Variants in PRKG1 observed in about 807,000 individuals in gnomAD.
PRKG1 encodes the protein cGMP-dependent protein kinase 1.
A neutral mutation model predicts 88.1 loss-of-function variants in PRKG1; 35 were observed. The ratio of observed to expected loss-of-function variants is 0.40; its 90% CI spans 0.30 to 0.53. The LOEUF (loss-of-function observed/expected upper bound fraction) is 0.53. Ranked by LOEUF, PRKG1 falls within the 20% of genes least tolerant of loss-of-function variation. The pLI is 0.59. For synonymous variants in PRKG1, 303 were observed against 292.5 expected, an observed-to-expected ratio of 1.04 and a Z score of -0.37; for missense variants, 540 against 839.8, an observed-to-expected ratio of 0.64 and a Z score of 4.41.
At chr10:51,007,921 CA>C (rs1564568932) in intron 1 of PRKG1, among the ~76,000 whole-genome samples, 1 of 152,166 alleles carries the variant, frequency 6.6e-6, no homozygotes, top group Admixed American at 6.5e-5. Context: ...ATGGTGGTTT[CA>C]TGGTGCCTCC....
chr10:51,607,397 C>T (rs760026666), intron 3 of PRKG1, among the ~76,000 whole-genome samples: 23 of 152,126 alleles, frequency 1.5e-4, no homozygotes, highest in African/African-American at 4.3e-4. Context: ...ACATATAAAA[C>T]GAGGGAAAAC....
At chr10:51,049,103 G>A (rs143262264) in intron 1 of PRKG1, among the ~76,000 whole-genome samples, 253 of 152,228 alleles carry the variant, frequency 1.7e-3, no homozygotes, top group Non-Finnish European at 3.0e-3. Flanking sequence ...GAGCTCCCGC[G>A]TCCCACACCG....
chr10:51,874,412 T>TAAC (rs1010455130), intron 4 of PRKG1, among the ~76,000 whole-genome samples: 1 of 152,256 alleles, frequency 6.6e-6, no homozygotes, highest in Non-Finnish European at 1.5e-5. Flanking sequence ...GTAGTACAGA[T>TAAC]AACATCAAAA....
chr10:51,860,024 C>T (rs190986184), intron 4 of PRKG1, among the ~76,000 whole-genome samples: 5 of 152,152 alleles, frequency 3.3e-5, no homozygotes, highest in Admixed American at 2.0e-4. Flanking sequence ...ATTAGGTACT[C>T]GTGTCATCCC....
intron 8 of PRKG1, among the ~76,000 whole-genome samples, chr10:52,147,673 A>G (rs1837770308): frequency 6.6e-6 from 1 of 152,242 alleles, no homozygotes; most frequent in African/African-American, 2.4e-5. Context: ...TTCTGAAGTA[A>G]GAATGTCAAT....
intron 3 of PRKG1, among the ~76,000 whole-genome samples, chr10:51,749,357 G>A (rs543248103): frequency 9.9e-5 from 15 of 152,242 alleles, no homozygotes; most frequent in Admixed American, 6.5e-5. Context: ...AGGCTGCCAC[G>A]AGCATGGCCA....
At chr10:51,215,555 AGG>A (rs1471982308) in intron 2 of PRKG1, among the ~76,000 whole-genome samples, 1 of 152,140 alleles carries the variant, frequency 6.6e-6, no homozygotes, top group African/African-American at 2.4e-5. Context: ...GGATTTTTGC[AGG>A]GGGCATGGAG....
intron 14 of PRKG1, among the ~76,000 whole-genome samples, chr10:52,285,091 C>G (rs577755378): frequency 6.6e-6 from 1 of 151,976 alleles, no homozygotes; most frequent in Admixed American, 6.6e-5. Context: ...CAGAAAGGGT[C>G]CCAGGGAAGC....
intron 3 of PRKG1, among the ~76,000 whole-genome samples, chr10:51,488,574 T>C (rs1220598020): frequency 6.6e-6 from 1 of 152,166 alleles, no homozygotes; most frequent in South Asian, 2.1e-4. Flanking sequence ...ATGATGTTTG[T>C]GCAGACCTTT....
chr10:52,286,002 G>C (rs1842109085), intron 14 of PRKG1, among the ~76,000 whole-genome samples: 6 of 151,886 alleles, frequency 4.0e-5, no homozygotes, highest in Admixed American at 3.9e-4. Flanking sequence ...TTACAAACAG[G>C]AGAAAAAACA....
At chr10:51,067,031 C>T (rs1843759089) in intron 1 of PRKG1, among the ~76,000 whole-genome samples, 1 of 151,854 alleles carries the variant, frequency 6.6e-6, no homozygotes, top group African/African-American at 2.4e-5. Context: ...AAATATGTGT[C>T]TTTATACAAC....
chr10:51,821,683 A>ATGTATATTGACC (rs57184821), intron 4 of PRKG1, among the ~76,000 whole-genome samples: 7,430 of 151,810 alleles, frequency 0.049, 385 homozygotes, highest in African/African-American at 0.12. Context: ...GTATTGACCT[A>ATGTATATTGACC]TATATATTGA....
At chr10:52,116,996 C>A (rs1847701755) in intron 7 of PRKG1, among the ~76,000 whole-genome samples, 1 of 151,932 alleles carries the variant, frequency 6.6e-6, no homozygotes, top group South Asian at 2.1e-4. Context: ...GTAAAGATAT[C>A]CTGTGAGTTA....
At chr10:51,966,309 G>A (rs914592305) in intron 5 of PRKG1, among the ~76,000 whole-genome samples, 1 of 151,922 alleles carries the variant, frequency 6.6e-6, no homozygotes, top group Non-Finnish European at 1.5e-5. Flanking sequence ...GCTTAGTGAG[G>A]AACCTTCTGA....
intron 2 of PRKG1, among the ~76,000 whole-genome samples, chr10:51,190,806 C>T (rs1046524596): frequency 1.3e-5 from 2 of 151,822 alleles, no homozygotes; most frequent in Non-Finnish European, 2.9e-5. Flanking sequence ...TTTTGAACCT[C>T]CACTTTTTCT....
chr10:52,110,243 G>A (rs1014105599), intron 7 of PRKG1, among the ~76,000 whole-genome samples: 4 of 151,952 alleles, frequency 2.6e-5, no homozygotes, highest in African/African-American at 9.7e-5. Context: ...AGCTACTCGG[G>A]AGGCTGAGGC....
At chr10:51,776,825 AAAAAC>A (rs1399913220) in intron 3 of PRKG1, among the ~76,000 whole-genome samples, 2 of 152,148 alleles carry the variant, frequency 1.3e-5, no homozygotes, top group African/African-American at 2.4e-5. Flanking sequence ...ACTCTGTCTC[AAAAAC>A]AAAACAAAAC....
At chr10:52,058,282 A>T (rs938488202) in intron 6 of PRKG1, among the ~76,000 whole-genome samples, 1 of 152,094 alleles carries the variant, frequency 6.6e-6, no homozygotes, top group Non-Finnish European at 1.5e-5. Context: ...TGTCTTGGAC[A>T]TTATAGAACT....
At chr10:52,145,521 G>A (rs1034436685) in intron 8 of PRKG1, among the ~76,000 whole-genome samples, 2 of 152,084 alleles carry the variant, frequency 1.3e-5, no homozygotes, top group Admixed American at 1.3e-4. Flanking sequence ...TTTATTTGAG[G>A]AGACGTTATA....
Sources: gnomAD v4.1 joint callset for allele counts (sites outside exome capture counted in the v4.1 genomes callset) on GRCh38, gnomAD v4.1.1 for gene constraint, MANE v1.5 for transcripts, NCBI Gene and HGNC (gene_info 2026-07-23, HGNC 2026-07-21) for gene names.